The following PTPRR variants were observed in gnomAD, a reference collection of about 807,000 sequenced individuals.
PTPRR encodes protein tyrosine phosphatase receptor type R.
Under a neutral mutation model 77.2 loss-of-function variants are expected in PTPRR, and 38 were observed. The ratio of observed to expected loss-of-function variants is 0.49; its 90% CI spans 0.38 to 0.65. The LOEUF (loss-of-function observed/expected upper bound fraction) is 0.65, where lower values mean the gene tolerates loss of function less well. PTPRR is among the 30% of genes least tolerant of loss of function. The probability of loss-of-function intolerance (pLI) is 0.00; values close to 1 mark genes in which losing one functional copy is unlikely to be tolerated. For synonymous variants in PTPRR, 299 were observed against 283.1 expected (o/e 1.06, Z -0.57); for missense variants, 744 against 799.2 (o/e 0.93, Z 0.83).
At chr12:70,917,634 A>G in intron 1 of PTPRR, among the ~76,000 whole-genome samples, 1 of 152,150 alleles carries the variant, frequency 6.6e-6, no homozygotes, top group Non-Finnish European at 1.5e-5. Flanking sequence ...CACAGCTATT[A>G]TAGACCACAG....
chr12:70,720,605 G>A (rs955222737), intron 6 of PTPRR, among the ~76,000 whole-genome samples: 1 of 149,618 alleles, frequency 6.7e-6, no homozygotes, highest in African/African-American at 2.5e-5. Context: ...TCCAACTCCC[G>A]GGTTCAAGCG....
intron 6 of PTPRR, among the ~76,000 whole-genome samples, chr12:70,733,547 G>C (rs191291180): frequency 1.4e-4 from 21 of 147,554 alleles, no homozygotes; most frequent in Non-Finnish European, 3.1e-4. Context: ...GCTAACAACT[G>C]TGTCAACATG....
intron 2 of PTPRR, among the ~76,000 whole-genome samples, chr12:70,768,687 C>A (rs1424440498): frequency 6.6e-6 from 1 of 152,134 alleles, no homozygotes; most frequent in African/African-American, 2.4e-5. Context: ...GATACCAAAG[C>A]CGGGCAGAGA....
chr12:70,818,658 G>A (rs1330454599), intron 2 of PTPRR, among the ~76,000 whole-genome samples: 1 of 152,104 alleles, frequency 6.6e-6, no homozygotes, highest in Non-Finnish European at 1.5e-5. Flanking sequence ...TGTTGCCTTA[G>A]AGGCCTGTTT....
rs1269711944 is a variant in PTPRR, at chr12:70,638,698, G to A, written c.*486C>T. ...TTATCAATCACTTGCAACTTTAGCAGCAAGATTCTGGTAACTGAGAAAGGT... is the reference window on the plus strand; with the variant it reads ...TTATCAATCACTTGCAACTTTAGCAACAAGATTCTGGTAACTGAGAAAGGT... On this transcript the variant is annotated 3_prime_UTR_variant, in exon 14 of 14. Coordinates refer to ENST00000283228, the MANE Select transcript of PTPRR (RefSeq NM_002849.4). 1.3e-5 allele frequency: 2 copies of A among 152,356 alleles called. No homozygotes were observed. The highest frequency in any genetic ancestry group is 4.8e-5 in the African/African-American group (2 of 41,446). The allele number at this position is 152,356 out of a possible 1,614,324, so 9.4% of individuals were successfully genotyped here. A position where few individuals can be genotyped will look rare whatever the true frequency, so the allele number is the denominator to read the frequency against.
Position 70,666,935 on chromosome 12 carries a change from G to GTTTTT in PTPRR, c.1498-4335_1498-4331dup, listed in dbSNP as rs142691396. ...TTTTTGATTAACTGTGTGTTTTTCT[G>GTTTTT]TTTTTTTTTTTTTTTTTTTTTTTTT... is the stretch of plus-strand genomic sequence containing the variant. On this transcript the variant is annotated intron_variant, in intron 10 of 13. Transcript: ENST00000283228. 6.9e-5 allele frequency among the ~76,000 whole-genome samples: 2 copies of GTTTTT among 29,046 alleles called. 1 individual carries two copies. The allele number at this position is 29,046 out of a possible 152,430, so 19.1% of individuals were successfully genotyped here. A position where few individuals can be genotyped will look rare whatever the true frequency, so the allele number is the denominator to read the frequency against.
At chr12:70,789,104 T>C (rs1592758893) in intron 2 of PTPRR, 3 of 440,682 alleles carry the variant, frequency 6.8e-6, no homozygotes, top group East Asian at 3.8e-5. Context: ...TTTTTTTCCA[T>C]GGGAATTAGC....
chr12:70,763,895 T>A (rs76865172), intron 3 of PTPRR, among the ~76,000 whole-genome samples: 10,100 of 152,160 alleles, frequency 0.066, 365 homozygotes, highest in Admixed American at 0.086. Context: ...TGGGAACATG[T>A]AGTTGCATGA....
chr12:70,917,292 A>G (rs938220133), intron 1 of PTPRR, among the ~76,000 whole-genome samples: 4 of 152,340 alleles, frequency 2.6e-5, no homozygotes, highest in African/African-American at 7.2e-5. Context: ...ATTTTGCACC[A>G]CTAACTTAAT....
chr12:70,672,720 CT>C, intron 10 of PTPRR: 1 of 1,545,680 alleles, frequency 6.5e-7, no homozygotes, highest in Non-Finnish European at 8.8e-7. Context: ...AGTTTGTCAC[CT>C]TTTACCCAGG....
intron 1 of PTPRR, among the ~76,000 whole-genome samples, chr12:70,905,039 G>C (rs1306345515): frequency 4.0e-5 from 6 of 151,474 alleles, no homozygotes; most frequent in Non-Finnish European, 7.4e-5. Flanking sequence ...TCAGACATAA[G>C]AGAATGCAGC....
chr12:70,894,767 T>G (rs1311821576), intron 1 of PTPRR, among the ~76,000 whole-genome samples: 1 of 151,750 alleles, frequency 6.6e-6, no homozygotes, highest in African/African-American at 2.4e-5. Context: ...AGAGTTTCAT[T>G]TCCAAATCCG....
chr12:70,765,407 G>A (rs530008829), intron 2 of PTPRR, among the ~76,000 whole-genome samples: 1 of 152,280 alleles, frequency 6.6e-6, no homozygotes, highest in Non-Finnish European at 1.5e-5. Flanking sequence ...CTTGCTGATT[G>A]CTAGCACAGC....
In PTPRR at chr12:70,773,488, C is replaced by T. The variant is rs1176199826; in HGVS notation, c.358-8710G>A. 2.0e-5 allele frequency among the ~76,000 whole-genome samples: 3 copies of T among 152,124 alleles called. No individual in the cohort carries two copies. In the South Asian group the frequency reaches 6.2e-4, roughly 32 times the overall value. ...TCAACTGGTTCCCTGGGTGTTCATT[C>T]CTGGTTGGAGAGCTGTTTGGGAGGC... On this transcript the variant is annotated intron_variant, in intron 2 of 13. Transcript: ENST00000283228.
chr12:70,771,358 G>C (rs1276011568), intron 2 of PTPRR, among the ~76,000 whole-genome samples: 1 of 151,926 alleles, frequency 6.6e-6, no homozygotes, highest in Non-Finnish European at 1.5e-5. Context: ...AGTACCCATG[G>C]ACATAAAGAT....
intron 2 of PTPRR, among the ~76,000 whole-genome samples, chr12:70,881,891 G>GT (rs370133686): frequency 5.9e-5 from 9 of 152,148 alleles, no homozygotes; most frequent in African/African-American, 2.2e-4. Context: ...TAAGATAAGC[G>GT]TAAGGAAAGG....
intron 13 of PTPRR, among the ~76,000 whole-genome samples, chr12:70,652,863 AAGG>A (rs1886445822): frequency 6.6e-6 from 1 of 152,206 alleles, no homozygotes; most frequent in Non-Finnish European, 1.5e-5. Context: ...AGTGGAACCC[AAGG>A]TGGAGGTCAG....
intron 6 of PTPRR, among the ~76,000 whole-genome samples, chr12:70,743,780 T>A (rs1266784505): frequency 6.6e-6 from 1 of 152,116 alleles, no homozygotes; most frequent in South Asian, 2.1e-4. Context: ...TCTCAAAGAT[T>A]CACTTTAATG....
intron 5 of PTPRR, among the ~76,000 whole-genome samples, chr12:70,751,160 G>A (rs977815433): frequency 3.3e-5 from 5 of 151,980 alleles, no homozygotes; most frequent in Non-Finnish European, 5.9e-5. Context: ...CATTCTGAAC[G>A]TGTCCCTCTC....
Sources: allele counts gnomAD v4.1 joint callset (sites outside exome capture counted in the v4.1 genomes callset), GRCh38; gene constraint gnomAD v4.1.1; transcripts MANE v1.5; gene names NCBI Gene and HGNC (gene_info 2026-07-23, HGNC 2026-07-21).